STK3: variants seen among roughly 807,000 people sequenced by gnomAD.
STK3 encodes the protein serine/threonine kinase 3.
A neutral mutation model predicts 58.0 loss-of-function variants in STK3; 41 were observed. The observed-to-expected ratio is 0.71, with a 90% CI of 0.55 to 0.92. The LOEUF is 0.92. Ranked by LOEUF, STK3 falls within the 40% of genes least tolerant of loss-of-function variation. The probability of loss-of-function intolerance (pLI) is 0.00; values close to 1 mark genes in which losing one functional copy is unlikely to be tolerated. For missense variants in STK3, 479 were observed against 602.7 expected (o/e 0.79, Z 2.15); for synonymous variants, 170 against 191.0 (o/e 0.89, Z 0.91).
intron 3 of STK3, 80 bp from the exon 4 acceptor site, chr8:98,749,470 C>T (rs1474015445): frequency 4.3e-6 from 3 of 696,772 alleles, no homozygotes; most frequent in Non-Finnish European, 7.2e-6. Context: ...AAAGTATTTT[C>T]AACATTTCAT....
intron 9 of STK3, among the ~76,000 whole-genome samples, chr8:98,542,965 GTATTAGGTATCAAAAA>G (rs920755342): frequency 3.3e-5 from 5 of 152,146 alleles, no homozygotes; most frequent in Admixed American, 3.3e-4. Flanking sequence ...GCTAGGTATT[GTATTAGGTATCAAAAA>G]TACAGTGGGA....
intron 3 of STK3, 62 bp from the exon 4 acceptor site, chr8:98,749,452 C>T: frequency 1.1e-6 from 1 of 884,614 alleles, no homozygotes; most frequent in East Asian, 2.5e-5. Flanking sequence ...TTTTCTTAAT[C>T]CCAATACAAA....
chr8:98,474,978 C>T (rs1821200448), intron 10 of STK3, among the ~76,000 whole-genome samples: 1 of 152,176 alleles, frequency 6.6e-6, no homozygotes, highest in African/African-American at 2.4e-5. Context: ...AGCCATCTTA[C>T]ATGGCAACAA....
chr8:98,775,907 A>G (rs1347167934), intron 1 of STK3, among the ~76,000 whole-genome samples: 1 of 152,240 alleles, frequency 6.6e-6, no homozygotes, highest in Admixed American at 6.5e-5. Flanking sequence ...ATCATGATGA[A>G]CTGAAAATTG....
intron 6 of STK3, among the ~76,000 whole-genome samples, chr8:98,669,736 T>G (rs1822673196): frequency 6.6e-6 from 1 of 152,196 alleles, no homozygotes; most frequent in South Asian, 2.1e-4. Context: ...TAACAAAGTA[T>G]CAGTCCCTAC....
At chr8:98,415,233 G>A (rs1267646102) in intron 3 of STK3, among the ~76,000 whole-genome samples, 1 of 152,158 alleles carries the variant, frequency 6.6e-6, no homozygotes, top group Admixed American at 6.5e-5. Context: ...ATCTTGAACT[G>A]GGACCTCCCA....
chr8:98,587,615 C>T (rs560283457), intron 7 of STK3, among the ~76,000 whole-genome samples: 24 of 152,052 alleles, frequency 1.6e-4, no homozygotes, highest in South Asian at 6.2e-4. Flanking sequence ...CTATTAGTTC[C>T]GCTTGGTGCA....
intron 9 of STK3, among the ~76,000 whole-genome samples, chr8:98,536,687 G>C (rs1014120091): frequency 6.6e-6 from 1 of 152,156 alleles, no homozygotes; most frequent in African/African-American, 2.4e-5. Context: ...CGGATACTCT[G>C]CTTTTGGATT....
downstream of STK3, among the ~76,000 whole-genome samples, chr8:98,369,421 TC>T (rs1354481054): frequency 6.6e-6 from 1 of 152,168 alleles, no homozygotes; most frequent in African/African-American, 2.4e-5. Context: ...GTTTTTTGGA[TC>T]TTTTTTTGTG....
intron 6 of STK3, among the ~76,000 whole-genome samples, chr8:98,698,698 G>C (rs796345003): frequency 3.7e-4 from 56 of 152,240 alleles, no homozygotes; most frequent in Middle Eastern, 6.8e-3. Context: ...GGCCCCCACT[G>C]TCTTCTGGCT....
intron 10 of STK3, among the ~76,000 whole-genome samples, chr8:98,473,543 T>C (rs1821082425): frequency 6.6e-6 from 1 of 152,184 alleles, no homozygotes; most frequent in South Asian, 2.1e-4. Context: ...ACAATAACCA[T>C]ATTTTAAATT....
At chr8:98,626,325 C>A (rs1267173658) in intron 6 of STK3, among the ~76,000 whole-genome samples, 2 of 152,144 alleles carry the variant, frequency 1.3e-5, no homozygotes, top group Non-Finnish European at 2.9e-5. Context: ...GGTAGAAATA[C>A]AATCAAATGT....
chr8:98,433,814 C>T (rs114734693), intron 3 of STK3, among the ~76,000 whole-genome samples: 106 of 152,308 alleles, frequency 7.0e-4, no homozygotes, highest in African/African-American at 2.5e-3. Flanking sequence ...AGGGACAATG[C>T]AATCAGGAAA....
intron 9 of STK3, among the ~76,000 whole-genome samples, chr8:98,544,409 T>C (rs1189142901): frequency 6.6e-6 from 1 of 152,160 alleles, no homozygotes; most frequent in African/African-American, 2.4e-5. Context: ...TCTCTAATAA[T>C]TTATCTCTAG....
chr8:98,849,225 CA>C (rs1013187542), intron 3 of STK3, among the ~76,000 whole-genome samples: 671 of 52,176 alleles, frequency 0.013, 2 homozygotes, highest in African/African-American at 0.022. Flanking sequence ...GACTCCATCT[CA>C]AAAAAAAAAA....
At chr8:98,549,039 T>G (rs1170641519) in intron 8 of STK3, among the ~76,000 whole-genome samples, 2 of 152,186 alleles carry the variant, frequency 1.3e-5, no homozygotes, top group Admixed American at 6.5e-5. Context: ...TTGACACCTT[T>G]GGCTACTGTG....
intron 5 of STK3, 35 bp from the exon 6 acceptor site, chr8:98,706,669 C>T (rs374648234): frequency 1.5e-5 from 22 of 1,496,236 alleles, no homozygotes; most frequent in Non-Finnish European, 2.0e-5. Context: ...AATGCTACTA[C>T]AAAAGCACAA....
chr8:98,826,031 G>GAAA (rs1331476547), upstream of STK3, among the ~76,000 whole-genome samples: 5 of 151,878 alleles, frequency 3.3e-5, no homozygotes, highest in South Asian at 1.0e-3. Flanking sequence ...GCTGGCCCCA[G>GAAA]AGCCCCGTGA....
intron 6 of STK3, 163 bp from the exon 7 acceptor site, chr8:98,596,332 G>T: frequency 4.5e-6 from 3 of 671,350 alleles, no homozygotes; most frequent in Non-Finnish European, 7.2e-6. Context: ...CAGTCCATCT[G>T]CTACTAATGT....
Sources: allele counts gnomAD v4.1 joint callset (sites outside exome capture counted in the v4.1 genomes callset), GRCh38; gene constraint gnomAD v4.1.1; transcripts MANE v1.5; gene names NCBI Gene and HGNC (gene_info 2026-07-23, HGNC 2026-07-21).